PCSK5: variants seen among roughly 807,000 people sequenced by gnomAD.
The protein encoded by PCSK5 is proprotein convertase subtilisin/kexin type 5, also known as prohormone convertase 5.
A neutral mutation model predicts 233.2 loss-of-function variants in PCSK5; 129 were observed. The observed-to-expected ratio is 0.55, with a 90% CI of 0.48 to 0.64. The LOEUF is 0.64. Among genes scored for constraint, PCSK5 ranks in the 30% least tolerant of loss-of-function variants. The probability of loss-of-function intolerance (pLI) is 0.00; values close to 1 mark genes in which losing one functional copy is unlikely to be tolerated. For synonymous variants in PCSK5, 825 were observed against 879.2 expected (o/e 0.94, Z 1.09); for missense variants, 2,076 against 2,430.1 (o/e 0.85, Z 3.06).
chr9:76,050,889 C>A (rs1345704118), intron 5 of PCSK5, among the ~76,000 whole-genome samples: 1 of 152,140 alleles, frequency 6.6e-6, no homozygotes, highest in Non-Finnish European at 1.5e-5. Context: ...TTTTCTGCTC[C>A]TCCCCTGTCT....
At chr9:76,253,666 T>C (rs549597394) in intron 24 of PCSK5, among the ~76,000 whole-genome samples, 1 of 152,226 alleles carries the variant, frequency 6.6e-6, no homozygotes, top group Non-Finnish European at 1.5e-5. Context: ...GCCTAATATT[T>C]ATCAAGCATC....
Position 75,940,351 on chromosome 9 carries a change from G to A in PCSK5, c.297+7868G>A. 1.3e-5 allele frequency among the ~76,000 whole-genome samples: 2 copies of A among 152,282 alleles called. 1 individual carries two copies. The highest frequency in any genetic ancestry group is 4.8e-5 in the African/African-American group (2 of 41,566). ...AAAGCAATTGTCTCCTTATAAGTGT[G>A]GCCCAGCATCAAGTTCAAGTCTTTA... On this transcript the variant is annotated intron_variant, in intron 2 of 37. Transcript: ENST00000674117.
intron 5 of PCSK5, among the ~76,000 whole-genome samples, chr9:76,049,211 T>G (rs1016616561): frequency 6.6e-5 from 10 of 152,200 alleles, no homozygotes; most frequent in Admixed American, 5.2e-4. Flanking sequence ...ATTTGGCGAT[T>G]CCTGCTCATA....
intron 21 of PCSK5, among the ~76,000 whole-genome samples, chr9:76,230,954 C>T (rs1457216813): frequency 6.6e-6 from 1 of 152,042 alleles, no homozygotes; most frequent in African/African-American, 2.4e-5. Context: ...AAATGTAATG[C>T]ACTTGAATCA....
At position 75,891,108 on chromosome 9, in the gene PCSK5, G is replaced by T; in HGVS notation, c.-74G>T. On this transcript the variant is annotated 5_prime_UTR_variant, in exon 1 of 38. Transcript: ENST00000674117. ...GGCTGCTCGCCGGGCGGCGCAGGCCGGAGAAGTTAGTTGTGCGCGCCCTTA... is the reference window on the plus strand; with the variant it reads ...GGCTGCTCGCCGGGCGGCGCAGGCCTGAGAAGTTAGTTGTGCGCGCCCTTA... 1.9e-5 allele frequency: 23 copies of T among 1,194,468 alleles called. No homozygotes were observed. Among genetic ancestry groups the T allele is most frequent in the Non-Finnish European group, 2.5e-5 (23 of 913,650 alleles). The allele number at this position is 1,194,468 out of a possible 1,614,324, so 74.0% of individuals were successfully genotyped here. A position where few individuals can be genotyped will look rare whatever the true frequency, so the allele number is the denominator to read the frequency against.
chr9:76,243,554 A>G (rs2131333909), intron 24 of PCSK5, among the ~76,000 whole-genome samples: 1 of 120,766 alleles, frequency 8.3e-6, no homozygotes, highest in Middle Eastern at 3.9e-3. Flanking sequence ...CCCAATTGTC[A>G]CCTTATTTCT....
chr9:76,034,513 T>C (rs1828774631), intron 5 of PCSK5, among the ~76,000 whole-genome samples: 1 of 152,082 alleles, frequency 6.6e-6, no homozygotes. Context: ...CTCCTCTTCT[T>C]CCTCCTCCTC....
intron 25 of PCSK5, among the ~76,000 whole-genome samples, chr9:76,293,393 C>G (rs530194711): frequency 6.6e-6 from 1 of 152,322 alleles, no homozygotes; most frequent in Admixed American, 6.5e-5. Flanking sequence ...CTGCCATTCT[C>G]TACATTGACT....
chr9:76,354,143 C>A lies in PCSK5; in HGVS notation c.5178C>A (p.Asp1726Glu), dbSNP rs7036921. 0.28 allele frequency: 439,231 copies of A among 1,594,430 alleles called. 62,612 individuals carry two copies. The highest frequency in any genetic ancestry group is 0.39 in the Middle Eastern group (2,363 of 6,036). ...CCAACCTGGTGCTGCACATGGACGA[C>A]AGCCACTGCCTCCACTGCTGCAACA... ...CPANLVLHMD[D>E]SHCLHCCNTS... The change falls in exon 37 of 38, where the codon GAC (aspartate) becomes GAA (glutamate). Residue 1726 changes from aspartate to glutamate, a missense_variant. By Grantham distance (45) the Asp-to-Glu change is conservative. Coordinates refer to ENST00000674117, the MANE Select transcript of PCSK5 (RefSeq NM_001372043.1).
chr9:76,253,027 A>G (rs1212160688), intron 24 of PCSK5, among the ~76,000 whole-genome samples: 1 of 152,236 alleles, frequency 6.6e-6, no homozygotes, highest in African/African-American at 2.4e-5. Context: ...AACCAAATAT[A>G]TTGCAGAATA....
chr9:75,993,261 A>G (rs959768636), intron 3 of PCSK5, among the ~76,000 whole-genome samples: 4 of 152,076 alleles, frequency 2.6e-5, no homozygotes, highest in African/African-American at 9.7e-5. Flanking sequence ...GATGCCAGTG[A>G]GGCAGTAAAT....
chr9:76,240,547 T>G (rs1826398185), intron 23 of PCSK5, 69 bp from the exon 24 acceptor site: 1 of 1,066,486 alleles, frequency 9.4e-7, no homozygotes, highest in African/African-American at 1.6e-5. Flanking sequence ...ACGAACATAT[T>G]TTTGTAGCAA....
intron 9 of PCSK5, among the ~76,000 whole-genome samples, chr9:76,118,834 C>T (rs1398843124): frequency 6.6e-6 from 1 of 151,900 alleles, no homozygotes; most frequent in African/African-American, 2.4e-5. Context: ...TAGTATAACT[C>T]CTAATGCTAT....
chr9:76,155,584 G>A (rs1367629985), intron 10 of PCSK5, among the ~76,000 whole-genome samples: 3 of 152,150 alleles, frequency 2.0e-5, no homozygotes, highest in African/African-American at 4.8e-5. Context: ...ACAGTGTGTG[G>A]TACATCAAAG....
At chr9:76,331,666 C>CAAA (rs368431038) in intron 33 of PCSK5, among the ~76,000 whole-genome samples, 7 of 119,662 alleles carry the variant, frequency 5.8e-5, no homozygotes, top group African/African-American at 2.2e-4. Context: ...GACTCCATCT[C>CAAA]AAAAAAAAAA....
intron 24 of PCSK5, among the ~76,000 whole-genome samples, chr9:76,244,562 GGTTT>G (rs1455472994): frequency 8.6e-5 from 12 of 139,084 alleles, no homozygotes; most frequent in South Asian, 2.2e-4. Flanking sequence ...AAAATCCTGG[GGTTT>G]TTTTTTTTTT....
chr9:75,953,731 A>G (rs1279011380), intron 2 of PCSK5, among the ~76,000 whole-genome samples: 2 of 151,916 alleles, frequency 1.3e-5, no homozygotes, highest in African/African-American at 4.8e-5. Flanking sequence ...TTACTCATTT[A>G]CTCAATTATT....
rs762158563 is a variant in PCSK5, at chr9:76,158,990, C to T, written c.1438C>T (p.Arg480Cys). The T allele has an allele frequency of 6.8e-6, 11 of 1,613,264 alleles. No homozygotes were observed. In the East Asian group the frequency reaches 8.9e-5, roughly 13 times the overall value. Reference sequence around the variant, plus strand: ...CATCTCTCTCTGTTACAGGACAATCCGCCCTAACAGTGCAGTGCGCTCCAT... The same window carrying T: ...CATCTCTCTCTGTTACAGGACAATCTGCCCTAACAGTGCAGTGCGCTCCAT... ...ESTDRQIKTI[R>C]PNSAVRSIYK... The change falls in exon 12 of 38, where the codon CGC becomes TGC. Residue 480 changes from arginine (R) to cysteine (C), a missense_variant. Arg to Cys is a radical substitution (Grantham distance 180). Coordinates refer to ENST00000674117, the MANE Select transcript of PCSK5 (RefSeq NM_001372043.1).
intron 24 of PCSK5, among the ~76,000 whole-genome samples, chr9:76,285,613 A>G (rs1291792285): frequency 6.6e-6 from 1 of 152,108 alleles, no homozygotes. Flanking sequence ...TGAATGAGAT[A>G]GCCAAAGATA....
Sources: allele counts gnomAD v4.1 joint callset (sites outside exome capture counted in the v4.1 genomes callset), GRCh38; gene constraint gnomAD v4.1.1; transcripts MANE v1.5; gene names NCBI Gene and HGNC (gene_info 2026-07-23, HGNC 2026-07-21).